Variants in IRAG1 observed in about 807,000 individuals in gnomAD.
IRAG1 encodes the protein inositol 1,4,5-triphosphate receptor associated 1, also known as IP3R-associated cGMP kinase substrate.
IRAG1 carries 62 observed loss-of-function variants against 106.2 expected under a neutral mutation model. The observed-to-expected ratio is 0.58, with a 90% CI of 0.48 to 0.72. The LOEUF (loss-of-function observed/expected upper bound fraction) is 0.72, where lower values mean the gene tolerates loss of function less well. Ranked by LOEUF, IRAG1 falls within the 30% of genes least tolerant of loss-of-function variation. The pLI is 0.00. For missense variants in IRAG1, 1,064 were observed against 1,140.7 expected (o/e 0.93, Z 0.97); for synonymous variants, 462 against 443.9 (o/e 1.04, Z -0.51).
chr11:10,665,623 T>C lies in IRAG1; in HGVS notation c.68-13441A>G, dbSNP rs951204726. Among the ~76,000 whole-genome samples the C allele has an allele frequency of 2.6e-5, 4 of 152,160 alleles. No individual in the cohort carries two copies. The highest frequency in any genetic ancestry group is 9.7e-5 in the African/African-American group (4 of 41,426). ...CAGACCCCAAGACCGGGACAATGAT[T>C]GGCTGTGTGAACAGGCTCGCAGCCC... On this transcript the variant is annotated intron_variant, in intron 1 of 20. Transcript: ENST00000423302. The surrounding 1 kb of genome is among the most constrained non-coding windows in gnomAD (Gnocchi z 4.2).
chr11:10,590,092 T>G (rs1018920244), intron 18 of IRAG1, among the ~76,000 whole-genome samples: 1 of 151,948 alleles, frequency 6.6e-6, no homozygotes. Flanking sequence ...AAAGGGAAGG[T>G]TGGCAGGGAG....
chr11:10,649,389 T>C (rs540126180), intron 2 of IRAG1, among the ~76,000 whole-genome samples: 28 of 152,326 alleles, frequency 1.8e-4, no homozygotes, highest in African/African-American at 6.5e-4. Context: ...ACTTGAGGGC[T>C]GGGCTGAACA....
intron 3 of IRAG1, among the ~76,000 whole-genome samples, chr11:10,632,755 A>C (rs1343307409): frequency 1.3e-5 from 2 of 152,260 alleles, no homozygotes; most frequent in Non-Finnish European, 2.9e-5. Context: ...ACTCTGAGCT[A>C]ACATCTAACT....
rs1564884824 is a variant in IRAG1 at position 10,576,393 on chromosome 11, GC to G, written c.2677del (p.Ala893GlnfsTer26). 6.2e-7 allele frequency: 1 copy of G among 1,613,986 alleles called. No individual in the cohort carries two copies. The highest frequency in any genetic ancestry group is 8.5e-7 in the Non-Finnish European group (1 of 1,179,884). ...GCTCCACCAGGAGTCCCTCTGGGCT[GC>G]CGAGCAAGTGGATCTTCCAAGGGGC... ...DGPLGRSTCSAAQRDSWWSSG... is the reference protein window; with the variant it reads ...DGPLGRSTCSXAQRDSWWSSG... On this transcript the variant is annotated frameshift_variant, in exon 21 of 21. Transcript: ENST00000423302. LOFTEE classifies it high-confidence loss of function.
chr11:10,595,851 T>C (rs955333471), intron 15 of IRAG1: 6 of 152,192 alleles, frequency 3.9e-5, no homozygotes, highest in Non-Finnish European at 8.8e-5. Context: ...TCCTCCTACT[T>C]TCCACCCTCA....
At chr11:10,616,935 T>C in intron 10 of IRAG1, 2 of 635,290 alleles carry the variant, frequency 3.1e-6, no homozygotes, top group Non-Finnish European at 3.9e-6. Flanking sequence ...TTTCTGACCA[T>C]GTCAGGGACT....
chr11:10,663,104 C>G (rs1283922814), intron 1 of IRAG1, among the ~76,000 whole-genome samples: 2 of 152,150 alleles, frequency 1.3e-5, no homozygotes, highest in Non-Finnish European at 2.9e-5. Flanking sequence ...AGAGATCTGT[C>G]AAGGGCCATC....
At chr11:10,641,052 C>G (rs1366657803) in intron 2 of IRAG1, among the ~76,000 whole-genome samples, 1 of 152,168 alleles carries the variant, frequency 6.6e-6, no homozygotes, top group African/African-American at 2.4e-5. Context: ...TATTCTCTCT[C>G]TCTCTCTCGA....
At chr11:10,640,111 C>T (rs1857413912) in intron 2 of IRAG1, among the ~76,000 whole-genome samples, 1 of 152,158 alleles carries the variant, frequency 6.6e-6, no homozygotes, top group Non-Finnish European at 1.5e-5. Flanking sequence ...TTGATACCTA[C>T]CAGGTAAATG....
rs1856471133 is a variant in IRAG1 at position 10,628,795 on chromosome 11, G to A, written c.608C>T (p.Pro203Leu). 2 of 1,571,514 alleles carry A rather than the reference G, an allele frequency of 1.3e-6. No homozygotes were observed. Among genetic ancestry groups the A allele is most frequent in the Non-Finnish European group, 1.7e-6 (2 of 1,162,386 alleles). Residue 203 changes from proline to leucine, a missense_variant, in exon 6 of 21, where the codon CCT becomes CTT. Pro to Leu is a moderately conservative substitution (Grantham distance 98). Coordinates refer to ENST00000423302, the MANE Select transcript of IRAG1 (RefSeq NM_130385.4). The surrounding 1 kb of genome is among the most constrained non-coding windows in gnomAD (Gnocchi z 4.1). Reference sequence around the variant, plus strand: ...AAGTGAGTTGCTCCGAGAGGATGTAGGAGAAGCGCTGGGGCTGAGGTTCGG... The same window carrying A: ...AAGTGAGTTGCTCCGAGAGGATGTAAGAGAAGCGCTGGGGCTGAGGTTCGG... Reference protein sequence around the residue: ...VSPNLSPSASPTSSRSNSLTV... With the variant: ...VSPNLSPSASLTSSRSNSLTV...
intron 9 of IRAG1, among the ~76,000 whole-genome samples, chr11:10,624,676 C>G (rs1284195453): frequency 6.6e-6 from 1 of 152,054 alleles, no homozygotes; most frequent in Non-Finnish European, 1.5e-5. Flanking sequence ...AAGTCATGGT[C>G]AAGGACCCTT....
intron 8 of IRAG1, among the ~76,000 whole-genome samples, chr11:10,627,442 C>T (rs1301526658): frequency 1.3e-5 from 2 of 152,152 alleles, no homozygotes; most frequent in Non-Finnish European, 2.9e-5. Context: ...GCCTGGAGGT[C>T]CCCCTTGTCT....
chr11:10,579,659 C>T (rs778376378), intron 20 of IRAG1, among the ~76,000 whole-genome samples: 2 of 152,012 alleles, frequency 1.3e-5, no homozygotes, highest in South Asian at 2.1e-4. Flanking sequence ...TATCCCTAAG[C>T]GTGAACTTCT....
At chr11:10,685,365 G>A (rs959823567) in intron 1 of IRAG1, among the ~76,000 whole-genome samples, 20 of 149,328 alleles carry the variant, frequency 1.3e-4, no homozygotes, top group African/African-American at 4.7e-4. Flanking sequence ...GCAGTGAGCC[G>A]AGATCGCACC....
chr11:10,576,706 G>C, intron 20 of IRAG1, 131 bp from the exon 21 acceptor site: 3 of 1,161,092 alleles, frequency 2.6e-6, no homozygotes, highest in Non-Finnish European at 3.7e-6. Context: ...GCTGTGCCTA[G>C]ATTGGGTTGG....
chr11:10,623,086 C>T (rs1430186472), intron 10 of IRAG1, among the ~76,000 whole-genome samples: 1 of 152,166 alleles, frequency 6.6e-6, no homozygotes, highest in Non-Finnish European at 1.5e-5. Context: ...ATAGCTTGCC[C>T]AGGTCACCTG....
At chr11:10,688,620 T>C (rs141084763) in intron 1 of IRAG1, among the ~76,000 whole-genome samples, 2 of 152,076 alleles carry the variant, frequency 1.3e-5, no homozygotes, top group African/African-American at 4.8e-5. Context: ...AGCCCATTGG[T>C]TCCTAAATTC....
chr11:10,585,293 C>G (rs1303250291), intron 18 of IRAG1, among the ~76,000 whole-genome samples: 4 of 152,088 alleles, frequency 2.6e-5, no homozygotes, highest in Non-Finnish European at 5.9e-5. Context: ...TTCATTTCAG[C>G]TCCCCTATAG....
chr11:10,609,388 A>G (rs1854751696), intron 11 of IRAG1, among the ~76,000 whole-genome samples: 1 of 152,198 alleles, frequency 6.6e-6, no homozygotes, highest in Non-Finnish European at 1.5e-5. Context: ...ACAAAAAAAT[A>G]TTTGAAAACT....
Sources: allele counts gnomAD v4.1 joint callset (sites outside exome capture counted in the v4.1 genomes callset), GRCh38; gene constraint gnomAD v4.1.1; non-coding constraint Gnocchi (gnomAD v3.1); transcripts MANE v1.5; gene names NCBI Gene and HGNC (gene_info 2026-07-23, HGNC 2026-07-21).